The following ADCK1 variants were observed in gnomAD, a reference collection of about 807,000 sequenced individuals.
ADCK1 encodes aarF domain containing kinase 1, also known as aarF domain-containing protein kinase 1.
Under a neutral mutation model 52.3 loss-of-function variants are expected in ADCK1, and 41 were observed. The ratio of observed to expected loss-of-function variants is 0.78; its 90% CI spans 0.61 to 1.02. The LOEUF is 1.02. ADCK1 is among the 50% of genes least tolerant of loss of function. The probability of loss-of-function intolerance (pLI) is 0.00; values close to 1 mark genes in which losing one functional copy is unlikely to be tolerated. For missense variants in ADCK1, 658 were observed against 679.5 expected, an observed-to-expected ratio of 0.97 and a Z score of 0.35; for synonymous variants, 250 against 274.6, an observed-to-expected ratio of 0.91 and a Z score of 0.89.
chr14:77,893,743 T>C (rs867061977), intron 5 of ADCK1, among the ~76,000 whole-genome samples: 9 of 147,922 alleles, frequency 6.1e-5, no homozygotes, highest in African/African-American at 9.9e-5. Flanking sequence ...CTTCCTTTTT[T>C]TTTTTTTTTT....
intron 9 of ADCK1, among the ~76,000 whole-genome samples, chr14:77,929,677 T>G (rs957251972): frequency 6.6e-6 from 1 of 152,146 alleles, no homozygotes; most frequent in Non-Finnish European, 1.5e-5. Context: ...AAAATTTTTT[T>G]TTTTTTTGAG....
intron 4 of ADCK1, among the ~76,000 whole-genome samples, chr14:77,882,505 G>A (rs938373848): frequency 3.9e-5 from 6 of 152,246 alleles, no homozygotes; most frequent in African/African-American, 1.2e-4. Flanking sequence ...TGACGTGACC[G>A]AGTATGGGAA....
In ADCK1 at chr14:77,819,113, G is replaced by C. The variant is rs748788482; in HGVS notation, c.135G>C (p.Thr45=). Residue 45 remains threonine (T), a splice_region_variant and synonymous_variant, in exon 2 of 11, where the codon ACG becomes ACC. Transcript: ENST00000238561. Reference sequence around the variant, plus strand: ...TCAGGGTGGGCAGAGCAGTTGCTACGGTAGGTTTTTCCCTTTTGGGGGTAG... The same window carrying C: ...TCAGGGTGGGCAGAGCAGTTGCTACCGTAGGTTTTTCCCTTTTGGGGGTAG... ...GAVRVGRAVA[T]TAVISYDYLT... The C allele has an allele frequency of 1.3e-6, 2 of 1,557,886 alleles. No individual in the cohort carries two copies. Among genetic ancestry groups the C allele is most frequent in the Non-Finnish European group, 1.7e-6 (2 of 1,149,198 alleles).
At chr14:77,819,599 A>T (rs1032112798) in intron 2 of ADCK1, among the ~76,000 whole-genome samples, 2 of 152,224 alleles carry the variant, frequency 1.3e-5, no homozygotes, top group African/African-American at 4.8e-5. Flanking sequence ...ACTTTGAGGG[A>T]TCCCCTCCAG....
chr14:77,884,980 C>G (rs1441867931), intron 4 of ADCK1, among the ~76,000 whole-genome samples: 1 of 152,166 alleles, frequency 6.6e-6, no homozygotes, highest in East Asian at 1.9e-4. Flanking sequence ...ACAGGAAGGT[C>G]TAGCCATTTC....
At chr14:77,867,710 C>T (rs2082691906) in intron 4 of ADCK1, among the ~76,000 whole-genome samples, 1 of 152,232 alleles carries the variant, frequency 6.6e-6, no homozygotes, top group South Asian at 2.1e-4. Context: ...CCTGTGACCA[C>T]TGCCCTCCTG....
rs1273473817 is a variant in ADCK1, at chr14:77,933,184, T to C, written c.1401-36T>C. 3 of 1,603,776 alleles carry C rather than the reference T, an allele frequency of 1.9e-6. No homozygotes were observed. In the South Asian group the frequency reaches 3.3e-5, roughly 18 times the overall value. Reference sequence around the variant, plus strand: ...ACAGAGCTAGTGTTTCTTGCCTCTTTATCTCTTTTCTCCTTTTTTCTTTCC... The same window carrying C: ...ACAGAGCTAGTGTTTCTTGCCTCTTCATCTCTTTTCTCCTTTTTTCTTTCC... On this transcript the variant is annotated intron_variant, in intron 10 of 10. Coordinates refer to ENST00000238561, the MANE Select transcript of ADCK1 (RefSeq NM_020421.4).
intron 1 of ADCK1, among the ~76,000 whole-genome samples, chr14:77,804,490 G>A (rs1418139537): frequency 6.6e-6 from 1 of 152,096 alleles, no homozygotes; most frequent in Non-Finnish European, 1.5e-5. Context: ...TGTCTGCTTC[G>A]CTGTTACTTC....
At chr14:77,906,707 G>A (rs576419794) in intron 6 of ADCK1, among the ~76,000 whole-genome samples, 1 of 152,146 alleles carries the variant, frequency 6.6e-6, no homozygotes, top group Non-Finnish European at 1.5e-5. Context: ...CAAGATGGCT[G>A]CTACAGCACC....
chr14:77,820,154 C>T (rs938072444), intron 2 of ADCK1, among the ~76,000 whole-genome samples: 1 of 152,052 alleles, frequency 6.6e-6, no homozygotes, highest in Non-Finnish European at 1.5e-5. Flanking sequence ...TTGAGGAATG[C>T]CTACATGAAT....
At chr14:77,822,403 G>A in intron 2 of ADCK1, 32 bp from the exon 3 acceptor site, 1 of 1,567,654 alleles carries the variant, frequency 6.4e-7, no homozygotes, top group Non-Finnish European at 8.8e-7. Flanking sequence ...ATGTCCAGGT[G>A]CTAAGCTTTT....
At chr14:77,836,676 C>T (rs1296979822) in intron 3 of ADCK1, among the ~76,000 whole-genome samples, 1 of 152,114 alleles carries the variant, frequency 6.6e-6, no homozygotes, top group East Asian at 1.9e-4. Flanking sequence ...AGAACCCTTC[C>T]TTGCCTTTTC....
rs1326727924 is a variant in ADCK1 at position 77,815,176 on chromosome 14, A to T, written c.-11-3792A>T. On this transcript the variant is annotated intron_variant, in intron 1 of 10. Transcript: ENST00000238561. ...TGGCCCAGGAATCTACATTTTAAAAAATGTTTTAAAATTTTGTTTTGTCTT... is the reference window on the plus strand; with the variant it reads ...TGGCCCAGGAATCTACATTTTAAAATATGTTTTAAAATTTTGTTTTGTCTT... Among the ~76,000 whole-genome samples the T allele has an allele frequency of 2.0e-5, 3 of 148,678 alleles. No homozygotes were observed. In the East Asian group the frequency reaches 5.9e-4, roughly 29 times the overall value.
At chr14:77,869,282 G>A (rs191000378) in intron 4 of ADCK1, among the ~76,000 whole-genome samples, 2 of 152,286 alleles carry the variant, frequency 1.3e-5, no homozygotes, top group Admixed American at 6.5e-5. Context: ...TTCTGAGGCC[G>A]CGAGGGAGGA....
chr14:77,887,830 T>C (rs1335606375), intron 5 of ADCK1, among the ~76,000 whole-genome samples: 3 of 152,220 alleles, frequency 2.0e-5, no homozygotes, highest in African/African-American at 7.2e-5. Flanking sequence ...GAGCAGCCAC[T>C]GCTTGAGTCA....
chr14:77,924,682 A>G lies in ADCK1; in HGVS notation c.1008+76A>G. Reference sequence around the variant, plus strand: ...GCTGACCACTCTAATTAGCTGCAGAACCGGGAGGGAGATAGCGAGGGTAGC... The same window carrying G: ...GCTGACCACTCTAATTAGCTGCAGAGCCGGGAGGGAGATAGCGAGGGTAGC... On this transcript the variant is annotated intron_variant, in intron 8 of 10. Transcript: ENST00000238561. The G allele has an allele frequency of 1.9e-6, 3 of 1,567,718 alleles. No individual in the cohort carries two copies. In the South Asian group the frequency reaches 3.4e-5, roughly 18 times the overall value.
At chr14:77,816,609 T>G (rs1040066108) in intron 1 of ADCK1, among the ~76,000 whole-genome samples, 1 of 152,154 alleles carries the variant, frequency 6.6e-6, no homozygotes, top group East Asian at 1.9e-4. Context: ...CGCTGTTAAC[T>G]GACCCTGCAC....
chr14:77,818,369 C>T (rs1317186328), intron 1 of ADCK1, among the ~76,000 whole-genome samples: 1 of 152,120 alleles, frequency 6.6e-6, no homozygotes, highest in Non-Finnish European at 1.5e-5. Flanking sequence ...GCAGTCTCCT[C>T]CTCCCGGGCT....
chr14:77,898,061 C>G (rs773595227), intron 5 of ADCK1, among the ~76,000 whole-genome samples: 1 of 152,108 alleles, frequency 6.6e-6, no homozygotes. Flanking sequence ...AGCTTGAGAC[C>G]AACCTGGGCA....
Sources: allele counts gnomAD v4.1 joint callset (sites outside exome capture counted in the v4.1 genomes callset), GRCh38; gene constraint gnomAD v4.1.1; transcripts MANE v1.5; gene names NCBI Gene and HGNC (gene_info 2026-07-23, HGNC 2026-07-21).